TAX1BP1: variants seen among roughly 807,000 people sequenced by gnomAD.
TAX1BP1 encodes the protein tax1-binding protein 1.
Under a neutral mutation model 97.7 loss-of-function variants are expected in TAX1BP1, and 62 were observed. That is an observed-to-expected ratio of 0.63 (90% CI 0.52 to 0.78). The LOEUF (loss-of-function observed/expected upper bound fraction) is 0.78. Among genes scored for constraint, TAX1BP1 ranks in the 30% least tolerant of loss-of-function variants. TAX1BP1 has a pLI of 0.00. For missense variants in TAX1BP1, 867 were observed against 916.1 expected (o/e 0.95, Z 0.69); for synonymous variants, 340 against 304.2 (o/e 1.12, Z -1.23).
At chr7:27,765,011 T>C in intron 3 of TAX1BP1, among the ~76,000 whole-genome samples, 1 of 248 alleles carries the variant, frequency 4.0e-3, no homozygotes, top group Non-Finnish European at 8.5e-3. Flanking sequence ...TCCTCTCTGT[T>C]TTTTTTTTTT....
chr7:27,757,666 CTG>C (rs908927151), intron 2 of TAX1BP1, among the ~76,000 whole-genome samples: 1 of 151,978 alleles, frequency 6.6e-6, no homozygotes, highest in African/African-American at 2.4e-5. Flanking sequence ...AAATAATACT[CTG>C]TGGTCAATAA....
intron 5 of TAX1BP1, among the ~76,000 whole-genome samples, chr7:27,778,437 T>A (rs1465242376): frequency 6.6e-6 from 1 of 152,226 alleles, no homozygotes; most frequent in East Asian, 1.9e-4. Flanking sequence ...TTATTTAATA[T>A]GCTTTTTATT....
chr7:27,794,133 A>G (rs148742659), intron 10 of TAX1BP1, among the ~76,000 whole-genome samples, 190 bp from the exon 11 acceptor site: 1 of 152,326 alleles, frequency 6.6e-6, no homozygotes, highest in African/African-American at 2.4e-5. Flanking sequence ...TTCTTTTGCA[A>G]CATTTAGGTC....
chr7:27,829,036 A>G lies in TAX1BP1; in HGVS notation c.*207A>G. 2.3e-6 allele frequency: 1 copy of G among 440,842 alleles called. No homozygotes were observed. Among genetic ancestry groups the G allele is most frequent in the Non-Finnish European group, 4.0e-6 (1 of 251,884 alleles). 27.3% of individuals were successfully genotyped at this position (440,842 alleles called of 1,614,324 possible). A position where few individuals can be genotyped will look rare whatever the true frequency, so the allele number is the denominator to read the frequency against. On this transcript the variant is annotated 3_prime_UTR_variant, in exon 17 of 17. Coordinates refer to ENST00000396319, the MANE Select transcript of TAX1BP1 (RefSeq NM_006024.7). ...ATAAATTTTAATCTCTGTTAATCTT[A>G]CCTGCTTTAAAAAAAAGTTCTTGTG...
chr7:27,803,582 G>A (rs981426678), intron 13 of TAX1BP1, among the ~76,000 whole-genome samples: 3 of 152,148 alleles, frequency 2.0e-5, no homozygotes, highest in Non-Finnish European at 4.4e-5. Flanking sequence ...CTGTGTGAAA[G>A]CAGTGTGGAA....
At chr7:27,767,474 T>A (rs1446981009) in intron 4 of TAX1BP1, among the ~76,000 whole-genome samples, 1 of 152,126 alleles carries the variant, frequency 6.6e-6, no homozygotes, top group Non-Finnish European at 1.5e-5. Context: ...CTTTCATATC[T>A]TTCCTTCCCC....
chr7:27,747,966 G>A (rs1787886678), intron 1 of TAX1BP1, among the ~76,000 whole-genome samples: 1 of 152,052 alleles, frequency 6.6e-6, no homozygotes, highest in African/African-American at 2.4e-5. Context: ...GCACAGAGAT[G>A]TTAGCGTCAG....
chr7:27,810,745 AT>A (rs1211741731), intron 13 of TAX1BP1, among the ~76,000 whole-genome samples: 1 of 152,140 alleles, frequency 6.6e-6, no homozygotes, highest in Non-Finnish European at 1.5e-5. Context: ...AAGTGCTGGG[AT>A]TATAGGTGTG....
chr7:27,829,296 C>T lies in TAX1BP1; in HGVS notation c.*467C>T, dbSNP rs997664169. On this transcript the variant is annotated 3_prime_UTR_variant, in exon 17 of 17. Coordinates refer to ENST00000396319, the MANE Select transcript of TAX1BP1 (RefSeq NM_006024.7). ...AGTAGTTCTTCGAATATAGAAAGTT[C>T]TATAATTTAGCCCATGAAATGATAG... is the stretch of plus-strand genomic sequence containing the variant. 6.6e-6 allele frequency: 1 copy of T among 152,502 alleles called. No homozygotes were observed. Among genetic ancestry groups the T allele is most frequent in the Admixed American group, 6.5e-5 (1 of 15,312 alleles). 9.4% of individuals were successfully genotyped at this position (152,502 alleles called of 1,614,324 possible).
intron 13 of TAX1BP1, among the ~76,000 whole-genome samples, chr7:27,814,698 C>T (rs1737874871): frequency 6.6e-6 from 1 of 151,786 alleles, no homozygotes; most frequent in South Asian, 2.1e-4. Flanking sequence ...ACATATTGAT[C>T]TTGTATACTG....
intron 1 of TAX1BP1, among the ~76,000 whole-genome samples, chr7:27,740,949 T>C (rs546045282): frequency 3.3e-4 from 51 of 152,258 alleles, no homozygotes; most frequent in African/African-American, 1.2e-3. Flanking sequence ...GCTTAGGGAA[T>C]CTGTGGCTAG....
chr7:27,772,254 T>G (rs1788874412), intron 5 of TAX1BP1: 1 of 152,040 alleles, frequency 6.6e-6, no homozygotes, highest in Non-Finnish European at 1.5e-5. Flanking sequence ...CAAACTGGTC[T>G]GGTTGGATGG....
At chr7:27,752,044 G>A (rs1788039028) in intron 2 of TAX1BP1, among the ~76,000 whole-genome samples, 1 of 152,140 alleles carries the variant, frequency 6.6e-6, no homozygotes, top group African/African-American at 2.4e-5. Context: ...TTTAAGTAAG[G>A]AGTAATAAAG....
intron 15 of TAX1BP1, among the ~76,000 whole-genome samples, chr7:27,817,486 T>C (rs1281325061): frequency 6.6e-6 from 1 of 152,176 alleles, no homozygotes; most frequent in African/African-American, 2.4e-5. Flanking sequence ...GGACTCTTCA[T>C]TATCTTCAGC....
chr7:27,754,560 C>A, intron 2 of TAX1BP1, among the ~76,000 whole-genome samples: 1 of 151,712 alleles, frequency 6.6e-6, no homozygotes, highest in East Asian at 1.9e-4. Context: ...GACTTTCAGT[C>A]TTTTTTGTTT....
At position 27,802,020 on chromosome 7, in the gene TAX1BP1, T is replaced by G. The variant is rs181030877; in HGVS notation, c.1764+1930T>G. Among the ~76,000 whole-genome samples the G allele has an allele frequency of 8.5e-5, 13 of 152,312 alleles. No individual in the cohort carries two copies. The East Asian group carries it at 2.5e-3, about 29-fold the overall frequency. On this transcript the variant is annotated intron_variant, in intron 13 of 16. Transcript: ENST00000396319. The stretch of plus-strand genomic sequence containing the variant: ...CTAGGGAAAGGAAGCAGCAGCATTC[T>G]AAGTAGATGGAAGAGCATTAAGACA...
At chr7:27,749,552 T>G (rs1472081729) in intron 2 of TAX1BP1, among the ~76,000 whole-genome samples, 2 of 152,190 alleles carry the variant, frequency 1.3e-5, no homozygotes, top group East Asian at 3.8e-4. Flanking sequence ...TTAGGCACAT[T>G]GAAAGTGTCT....
intron 2 of TAX1BP1, 117 bp downstream of exon 2, chr7:27,748,803 A>G (rs1288232250): frequency 1.0e-5 from 7 of 700,768 alleles, no homozygotes; most frequent in African/African-American, 7.4e-5. Context: ...TTTTGTAAAC[A>G]TCACCATGAA....
At chr7:27,812,114 C>T (rs1790581649) in intron 13 of TAX1BP1, among the ~76,000 whole-genome samples, 1 of 152,196 alleles carries the variant, frequency 6.6e-6, no homozygotes, top group Admixed American at 6.5e-5. Flanking sequence ...TTCCCACTGG[C>T]AGTGTATGAG....
Sources: allele counts gnomAD v4.1 joint callset (sites outside exome capture counted in the v4.1 genomes callset), GRCh38; gene constraint gnomAD v4.1.1; transcripts MANE v1.5; gene names NCBI Gene and HGNC (gene_info 2026-07-23, HGNC 2026-07-21).